PRDM10: variants seen among roughly 807,000 people sequenced by gnomAD.
The protein encoded by PRDM10 is PR/SET domain 10, also known as PR domain zinc finger protein 10.
Under a neutral mutation model 133.1 loss-of-function variants are expected in PRDM10, and 65 were observed. The observed-to-expected ratio is 0.49, with a 90% confidence interval of 0.40 to 0.60. The LOEUF (loss-of-function observed/expected upper bound fraction) is 0.60. Ranked by LOEUF, PRDM10 falls within the 20% of genes least tolerant of loss-of-function variation. The pLI is 0.00. For synonymous variants in PRDM10, 582 were observed against 580.4 expected (o/e 1.00, Z -0.04); for missense variants, 1,137 against 1,507.1 (o/e 0.75, Z 4.07).
In PRDM10 at chr11:129,942,645, G is replaced by GCCGCACGAAAAAAAT; in HGVS notation, c.763-17_763-16insATTTTTTTCGTGCGG. The GCCGCACGAAAAAAAT allele has an allele frequency of 6.3e-7, 1 of 1,593,920 alleles. No individual in the cohort carries two copies. Among genetic ancestry groups the GCCGCACGAAAAAAAT allele is most frequent in the East Asian group, 2.2e-5 (1 of 44,766 alleles). Reference sequence around the variant, plus strand: ...CAAGAGAAACCTGCACGAAAAAAAAGCCACACCAAAAACAAAACAAAACCT... The same window carrying GCCGCACGAAAAAAAT: ...CAAGAGAAACCTGCACGAAAAAAAAGCCGCACGAAAAAAATCCACACCAAAAACAAAACAAAACCT... On this transcript the variant is annotated splice_polypyrimidine_tract_variant and intron_variant, in intron 6 of 20. Coordinates refer to ENST00000360871, the MANE Select transcript of PRDM10 (RefSeq NM_199437.2).
intron 9 of PRDM10, among the ~76,000 whole-genome samples, 163 bp from the exon 10 acceptor site, chr11:129,932,394 T>C (rs1950899346): frequency 6.6e-6 from 1 of 152,242 alleles, no homozygotes; most frequent in Non-Finnish European, 1.5e-5. Context: ...ATATACACTT[T>C]CTGAATGTCT....
chr11:129,965,953 C>T (rs1951898887), intron 1 of PRDM10, among the ~76,000 whole-genome samples: 2 of 152,124 alleles, frequency 1.3e-5, no homozygotes, highest in South Asian at 4.1e-4. Context: ...CTTAAAAATC[C>T]AAATTACCAG....
chr11:130,001,678 G>C (rs780391301), intron 1 of PRDM10, among the ~76,000 whole-genome samples: 1 of 152,226 alleles, frequency 6.6e-6, no homozygotes, highest in African/African-American at 2.4e-5. Flanking sequence ...CGTGGCTGGA[G>C]GGCAGACGGG....
At chr11:129,927,577 C>A (rs1310159829) in intron 11 of PRDM10, among the ~76,000 whole-genome samples, 1 of 152,106 alleles carries the variant, frequency 6.6e-6, no homozygotes, top group East Asian at 1.9e-4. Context: ...AGTCTTCTGT[C>A]ATTTCTGATT....
chr11:129,979,758 C>A (rs1020125103), intron 1 of PRDM10, among the ~76,000 whole-genome samples: 1 of 152,096 alleles, frequency 6.6e-6, no homozygotes, highest in African/African-American at 2.4e-5. Context: ...AACTGCACGT[C>A]CCCATCCCTT....
chr11:129,952,314 A>T (rs1281787004), intron 4 of PRDM10, among the ~76,000 whole-genome samples: 1 of 152,160 alleles, frequency 6.6e-6, no homozygotes, highest in Non-Finnish European at 1.5e-5. Context: ...GAATGCAAAT[A>T]CTCAGTGTGG....
rs1951444418 is a variant in PRDM10, at chr11:129,947,184, C to T, written c.481G>A (p.Glu161Lys). Residue 161 changes from glutamate (E) to lysine (K), a missense_variant, in exon 5 of 21, where the codon GAG becomes AAG. By Grantham distance (56) the Glu-to-Lys change is moderately conservative (BLOSUM62 1). Transcript: ENST00000360871. The surrounding 1 kb of genome is among the most constrained non-coding windows in gnomAD (Gnocchi z 4.6). ...TCGAAGGGCCGGGGCGGGTCTGGCTCCCAGTCATCCAGATCCGTGTCCTCA... is the reference window on the plus strand; with the variant it reads ...TCGAAGGGCCGGGGCGGGTCTGGCTTCCAGTCATCCAGATCCGTGTCCTCA... The part of the protein sequence containing the change: ...DGEDTDLDDW[E>K]PDPPRPFDPH... The T allele has an allele frequency of 6.2e-7, 1 of 1,614,002 alleles. No homozygotes were observed. Among genetic ancestry groups the T allele is most frequent in the Non-Finnish European group, 8.5e-7 (1 of 1,179,978 alleles).
intron 13 of PRDM10, among the ~76,000 whole-genome samples, chr11:129,920,758 C>T (rs1950501014): frequency 6.6e-6 from 1 of 151,908 alleles, no homozygotes; most frequent in African/African-American, 2.4e-5. Context: ...AAAGTGTCAC[C>T]ATATCTATGA....
At chr11:129,938,996 C>T (rs1951123420) in intron 7 of PRDM10, among the ~76,000 whole-genome samples, 1 of 152,190 alleles carries the variant, frequency 6.6e-6, no homozygotes, top group Admixed American at 6.5e-5. Context: ...CTCACCCCTG[C>T]CCTAACCCTC....
At chr11:129,977,919 C>T (rs1433914292) in intron 1 of PRDM10, among the ~76,000 whole-genome samples, 1 of 151,722 alleles carries the variant, frequency 6.6e-6, no homozygotes, top group Non-Finnish European at 1.5e-5. Context: ...TGAGATCGCA[C>T]CACTGCACTC....
At chr11:129,962,923 C>T (rs769233723) in intron 1 of PRDM10, among the ~76,000 whole-genome samples, 111 of 152,014 alleles carry the variant, frequency 7.3e-4, no homozygotes, top group Non-Finnish European at 1.1e-3. Flanking sequence ...ACAAGGACGA[C>T]ATATCACTTG....
At chr11:129,942,189 C>T (rs1044247429) in intron 7 of PRDM10, among the ~76,000 whole-genome samples, 1 of 152,202 alleles carries the variant, frequency 6.6e-6, no homozygotes, top group Non-Finnish European at 1.5e-5. Flanking sequence ...AGCCACCATG[C>T]CCGGCTTCAC....
At chr11:129,920,100 C>T (rs1029483548) in intron 13 of PRDM10, among the ~76,000 whole-genome samples, 3 of 152,120 alleles carry the variant, frequency 2.0e-5, no homozygotes, top group Non-Finnish European at 4.4e-5. Flanking sequence ...CAACTCCTCT[C>T]GCATTCCCAC....
intron 1 of PRDM10, among the ~76,000 whole-genome samples, chr11:129,962,955 C>G (rs1041578680): frequency 2.0e-5 from 3 of 151,998 alleles, no homozygotes; most frequent in Non-Finnish European, 4.4e-5. Flanking sequence ...GCAAGACTAG[C>G]CTGGGTAACA....
At chr11:129,967,542 A>G (rs1371467802) in intron 1 of PRDM10, among the ~76,000 whole-genome samples, 1 of 152,230 alleles carries the variant, frequency 6.6e-6, no homozygotes, top group Non-Finnish European at 1.5e-5. Flanking sequence ...ATCACATAAC[A>G]ACGATGAACA....
intron 1 of PRDM10, among the ~76,000 whole-genome samples, chr11:129,991,876 G>C (rs935485049): frequency 6.7e-6 from 1 of 149,714 alleles, no homozygotes. Flanking sequence ...CCAGCTACTC[G>C]GGGAGCTGAG....
At chr11:129,959,529 A>C (rs1209963600) in intron 2 of PRDM10, among the ~76,000 whole-genome samples, 4 of 152,188 alleles carry the variant, frequency 2.6e-5, no homozygotes, top group African/African-American at 9.6e-5. Context: ...GGAGTGCCAC[A>C]GGGACCCTGA....
intron 1 of PRDM10, among the ~76,000 whole-genome samples, chr11:129,987,598 G>A (rs1271311045): frequency 6.6e-6 from 1 of 152,186 alleles, no homozygotes; most frequent in Non-Finnish European, 1.5e-5. Flanking sequence ...AATGCTCACA[G>A]TGGCATTATT....
At chr11:129,958,451 G>T (rs1253276960) in intron 2 of PRDM10, among the ~76,000 whole-genome samples, 1 of 152,080 alleles carries the variant, frequency 6.6e-6, no homozygotes, top group Non-Finnish European at 1.5e-5. Context: ...GGACCAGCCT[G>T]GCCAACATGG....
Sources: gnomAD v4.1 joint callset for allele counts (sites outside exome capture counted in the v4.1 genomes callset) on GRCh38, gnomAD v4.1.1 for gene constraint, Gnocchi (gnomAD v3.1) non-coding constraint, MANE v1.5 for transcripts, NCBI Gene and HGNC (gene_info 2026-07-23, HGNC 2026-07-21) for gene names.